Variants in ARHGEF12 observed in about 807,000 individuals in gnomAD.
ARHGEF12 encodes the protein Rho guanine nucleotide exchange factor 12.
In ARHGEF12, 66 loss-of-function variants were observed where a neutral mutation model predicts 211.2. The observed-to-expected ratio is 0.31, with a 90% confidence interval of 0.26 to 0.38. The LOEUF (loss-of-function observed/expected upper bound fraction) is 0.38, where lower values mean the gene tolerates loss of function less well. ARHGEF12 is among the 10% of genes least tolerant of loss of function. The pLI is 1.00. For synonymous variants in ARHGEF12, 592 were observed against 638.4 expected, an observed-to-expected ratio of 0.93 and a Z score of 1.09; for missense variants, 1,429 against 1,869.5, an observed-to-expected ratio of 0.76 and a Z score of 4.34.
chr11:120,381,527 T>C (rs1272906955), intron 1 of ARHGEF12, among the ~76,000 whole-genome samples: 1 of 152,232 alleles, frequency 6.6e-6, no homozygotes, highest in Non-Finnish European at 1.5e-5. Context: ...CCAAAGTTTG[T>C]TAGGTAAGCT....
rs914102152 is a variant in ARHGEF12, at chr11:120,488,467, T to G, written c.*3390T>G. On this transcript the variant is annotated 3_prime_UTR_variant, in exon 41 of 41. Transcript: ENST00000397843. Reference sequence around the variant, plus strand: ...TTATAAGTCATTTTTTTCCTGATATTTCCACCACTTTTCAGAGTCATCTAC... The same window carrying G: ...TTATAAGTCATTTTTTTCCTGATATGTCCACCACTTTTCAGAGTCATCTAC... The G allele has an allele frequency of 9.2e-6, 2 of 216,734 alleles. No homozygotes were observed. The highest frequency in any genetic ancestry group is 1.9e-5 in the Non-Finnish European group (2 of 107,732). 13.4% of individuals were successfully genotyped at this position (216,734 alleles called of 1,614,324 possible).
intron 4 of ARHGEF12, among the ~76,000 whole-genome samples, chr11:120,415,328 T>C (rs896788598): frequency 2.6e-5 from 4 of 152,216 alleles, no homozygotes; most frequent in African/African-American, 9.6e-5. Context: ...GTTTTCAGTA[T>C]TGTCCTGCCA....
rs560187779 is a variant in ARHGEF12 at position 120,340,273 on chromosome 11, T to G, written c.32+2998T>G. On this transcript the variant is annotated intron_variant, in intron 1 of 40. Coordinates refer to ENST00000397843, the MANE Select transcript of ARHGEF12 (RefSeq NM_015313.3). ...GAGGTAGACAGGAGAGAATGCCCTT[T>G]TAGTAGACTCAGTAAATGATTTCAG... Among the ~76,000 whole-genome samples, 81 of 152,328 alleles carry G rather than the reference T, an allele frequency of 5.3e-4. 2 individuals carry two copies. In the South Asian group the frequency reaches 5.4e-3, roughly 10 times the overall value.
chr11:120,408,012 T>C (rs1944764551), intron 3 of ARHGEF12, 189 bp downstream of exon 3: 1 of 482,662 alleles, frequency 2.1e-6, no homozygotes, highest in Non-Finnish European at 3.6e-6. Flanking sequence ...TCCAACACTG[T>C]ACATTCCACT....
intron 1 of ARHGEF12, among the ~76,000 whole-genome samples, chr11:120,348,805 C>A (rs1040119376): frequency 6.6e-6 from 1 of 152,118 alleles, no homozygotes; most frequent in Non-Finnish European, 1.5e-5. Context: ...CATGCCACTG[C>A]ACTCCAGCCT....
chr11:120,476,614 C>A, intron 33 of ARHGEF12, 47 bp from the exon 34 acceptor site: 1 of 1,452,212 alleles, frequency 6.9e-7, no homozygotes, highest in Non-Finnish European at 9.5e-7. Flanking sequence ...TCCCTCATGG[C>A]CTCCCCAGGT....
In ARHGEF12 at chr11:120,452,939, G is replaced by A. The variant is rs79168366; in HGVS notation, c.2056+1215G>A. ...TGAATCCAGGAGGTGGGTGGAGGTT[G>A]CAGTGAGCCAAGATCGTGCCAATGC... On this transcript the variant is annotated intron_variant, in intron 22 of 40. Coordinates refer to ENST00000397843, the MANE Select transcript of ARHGEF12 (RefSeq NM_015313.3). Among the ~76,000 whole-genome samples the A allele has an allele frequency of 8.8e-3, 1,332 of 151,708 alleles. 88 individuals carry two copies. The South Asian group carries it at 0.16, about 18-fold the overall frequency.
At chr11:120,444,578 G>T (rs778368955) in intron 15 of ARHGEF12, among the ~76,000 whole-genome samples, 1 of 152,150 alleles carries the variant, frequency 6.6e-6, no homozygotes, top group Admixed American at 6.5e-5. Context: ...AATTTTTAGC[G>T]GTGACTTATT....
intron 22 of ARHGEF12, among the ~76,000 whole-genome samples, chr11:120,456,129 C>G (rs1285731978): frequency 6.6e-6 from 1 of 152,126 alleles, no homozygotes; most frequent in Non-Finnish European, 1.5e-5. Flanking sequence ...TCTTGGTTTT[C>G]AGACTTTTAG....
At position 120,489,454 on chromosome 11, in the gene ARHGEF12, T is replaced by C. The variant is rs1947480127; in HGVS notation, c.*4377T>C. The C allele has an allele frequency of 4.5e-6, 1 of 223,762 alleles. No individual in the cohort carries two copies. The highest frequency in any genetic ancestry group is 5.7e-5 in the Admixed American group (1 of 17,462). 13.9% of individuals were successfully genotyped at this position (223,762 alleles called of 1,614,324 possible). A position where few individuals can be genotyped will look rare whatever the true frequency, so the allele number is the denominator to read the frequency against. ...CTGAAGATAACTTTGGTTTTAATCCTACCCTAAATGAAGCATATGCCTCTA... is the reference window on the plus strand; with the variant it reads ...CTGAAGATAACTTTGGTTTTAATCCCACCCTAAATGAAGCATATGCCTCTA... On this transcript the variant is annotated 3_prime_UTR_variant, in exon 41 of 41. Coordinates refer to ENST00000397843, the MANE Select transcript of ARHGEF12 (RefSeq NM_015313.3).
chr11:120,466,097 C>T (rs1358540325), intron 28 of ARHGEF12, among the ~76,000 whole-genome samples: 4 of 152,158 alleles, frequency 2.6e-5, no homozygotes, highest in Admixed American at 6.6e-5. Flanking sequence ...CAAACATGGC[C>T]GCTTGACAGA....
Position 120,487,420 on chromosome 11 carries a change from GTTC to G in ARHGEF12, c.*2346_*2348del, listed in dbSNP as rs1371129546. On this transcript the variant is annotated 3_prime_UTR_variant, in exon 41 of 41. Transcript: ENST00000397843. ...TGAAAATATCTCACAATTTTTGAAT[GTTC>G]TTTTTATCTTACCGACCTAACTTCT... is the stretch of plus-strand genomic sequence containing the variant. 3 of 217,476 alleles carry G rather than the reference GTTC, an allele frequency of 1.4e-5. No individual in the cohort carries two copies. The highest frequency in any genetic ancestry group is 2.8e-5 in the Non-Finnish European group (3 of 108,222). The allele number at this position is 217,476 out of a possible 1,614,324, so 13.5% of individuals were successfully genotyped here.
chr11:120,446,173 G>A (rs1946040539), intron 16 of ARHGEF12, among the ~76,000 whole-genome samples: 1 of 149,484 alleles, frequency 6.7e-6, no homozygotes, highest in Non-Finnish European at 1.5e-5. Flanking sequence ...ACTCCAGCCT[G>A]GGCAACAGAG....
At chr11:120,398,758 A>G (rs1944463810) in intron 1 of ARHGEF12, among the ~76,000 whole-genome samples, 1 of 152,224 alleles carries the variant, frequency 6.6e-6, no homozygotes, top group South Asian at 2.1e-4. Flanking sequence ...GAATTTCCGC[A>G]GAAGAAAATG....
At chr11:120,382,584 T>C (rs1021179823) in intron 1 of ARHGEF12, among the ~76,000 whole-genome samples, 2 of 152,244 alleles carry the variant, frequency 1.3e-5, no homozygotes, top group African/African-American at 2.4e-5. Flanking sequence ...CAAGTAATTT[T>C]CTGGAGTGAT....
At chr11:120,356,756 A>G (rs1346837294) in intron 1 of ARHGEF12, among the ~76,000 whole-genome samples, 2 of 152,138 alleles carry the variant, frequency 1.3e-5, no homozygotes, top group Admixed American at 1.3e-4. Flanking sequence ...GATACCTTCT[A>G]TTTGGACCTT....
Position 120,431,884 on chromosome 11 carries a change from T to G in ARHGEF12, c.897T>G (p.Ala299=), listed in dbSNP as rs1377300579. Residue 299 remains alanine, a synonymous_variant, in exon 11 of 41, where the codon GCT becomes GCG. Coordinates refer to ENST00000397843, the MANE Select transcript of ARHGEF12 (RefSeq NM_015313.3). The part of the protein sequence containing the change: ...LGRTDCSSGD[A]SRPSSDNADS... ...GGACTGACTGTAGCAGTGGAGATGCTTCTCGGCCCAGTAGTGACAATGCAG... is the reference window on the plus strand; with the variant it reads ...GGACTGACTGTAGCAGTGGAGATGCGTCTCGGCCCAGTAGTGACAATGCAG... 1 of 1,610,886 alleles carries G rather than the reference T, an allele frequency of 6.2e-7. No homozygotes were observed. Among genetic ancestry groups the G allele is most frequent in the East Asian group, 2.2e-5 (1 of 44,872 alleles).
At chr11:120,445,549 ATGGTGAC>A in intron 16 of ARHGEF12, 85 bp downstream of exon 16, 1 of 1,295,904 alleles carries the variant, frequency 7.7e-7, no homozygotes, top group Non-Finnish European at 1.1e-6. Flanking sequence ...TATCTGTCAC[ATGGTGAC>A]TAGTCGATCA....
In ARHGEF12 at chr11:120,480,289, C is replaced by G. The variant is rs1179913984; in HGVS notation, c.4096C>G (p.Pro1366Ala). ...MDHMIMTPEM[P>A]TMEPEGGLDD... is the part of the protein sequence containing the mutation. ...CCACATGATTATGACCCCAGAGATG[C>G]CTACCATGGAGCCAGAAGGGGGTCT... is the stretch of plus-strand genomic sequence containing the variant. The change falls in exon 38 of 41, where the codon CCT (proline) becomes GCT (alanine). Residue 1366 changes from proline (P) to alanine (A), a missense_variant. This residue lies in a region of ARHGEF12 where 467 missense variants were observed against 468.4 expected (regional missense o/e 1.00). Coordinates refer to ENST00000397843, the MANE Select transcript of ARHGEF12 (RefSeq NM_015313.3). 1 of 1,614,108 alleles carries G rather than the reference C, an allele frequency of 6.2e-7. No individual in the cohort carries two copies. Among genetic ancestry groups the G allele is most frequent in the Non-Finnish European group, 8.5e-7 (1 of 1,180,034 alleles).
Sources: allele counts gnomAD v4.1 joint callset (sites outside exome capture counted in the v4.1 genomes callset), GRCh38; gene constraint gnomAD v4.1.1; regional missense constraint gnomAD v4.1.1; transcripts MANE v1.5; gene names NCBI Gene and HGNC (gene_info 2026-07-23, HGNC 2026-07-21).